Variants in MYO10 observed in about 807,000 individuals in gnomAD.
MYO10 encodes the protein myosin X.
In MYO10, 133 loss-of-function variants were observed where a neutral mutation model predicts 257.3. The ratio of observed to expected loss-of-function variants is 0.52; its 90% CI spans 0.45 to 0.60. MYO10 has a LOEUF of 0.60. MYO10 is among the 20% of genes least tolerant of loss of function. MYO10 has a pLI of 0.00. For missense variants in MYO10, 2,399 were observed against 2,635.7 expected, an observed-to-expected ratio of 0.91 and a Z score of 1.97; for synonymous variants, 1,104 against 1,028.6, an observed-to-expected ratio of 1.07 and a Z score of -1.40.
chr5:16,730,894 T>A (rs1182434650), intron 19 of MYO10, among the ~76,000 whole-genome samples: 2 of 152,078 alleles, frequency 1.3e-5, no homozygotes, highest in Non-Finnish European at 2.9e-5. Flanking sequence ...CTCTCAGTCC[T>A]TTGATGAATT....
At chr5:16,923,320 C>T (rs1304925862) in intron 1 of MYO10, among the ~76,000 whole-genome samples, 1 of 149,110 alleles carries the variant, frequency 6.7e-6, no homozygotes, top group Non-Finnish European at 1.5e-5. Context: ...CGGAATCTCG[C>T]TCCGTCGCCC....
intron 2 of MYO10, among the ~76,000 whole-genome samples, chr5:16,877,212 A>G (rs1394747070): frequency 1.3e-5 from 2 of 152,230 alleles, no homozygotes; most frequent in Non-Finnish European, 2.9e-5. Flanking sequence ...AGACACTACG[A>G]AAGTTTAAGA....
chr5:16,848,155 C>CTTTTTTTTTTTTTTTTTTTTTTTTTT (rs371042891), intron 2 of MYO10, among the ~76,000 whole-genome samples: 1 of 113,596 alleles, frequency 8.8e-6, no homozygotes, highest in African/African-American at 3.7e-5. Flanking sequence ...CTACACATTT[C>CTTTTTTTTTTTTTTTTTTTTTTTTTT]TTTTTTTTTT....
intron 3 of MYO10, among the ~76,000 whole-genome samples, chr5:16,800,218 T>C (rs1303435837): frequency 1.3e-5 from 2 of 152,048 alleles, no homozygotes; most frequent in Non-Finnish European, 2.9e-5. Context: ...CCTAGTGAGT[T>C]ACCATGAAAA....
chr5:16,764,146 CAAAAAAAAAAA>C (rs1740799894), intron 12 of MYO10, 93 bp downstream of exon 12: 3 of 979,466 alleles, frequency 3.1e-6, no homozygotes, highest in Non-Finnish European at 2.9e-6. Context: ...GACTCCTTCT[CAAAAAAAAAAA>C]GAAAAAAAAA....
intron 19 of MYO10, chr5:16,738,141 C>T (rs2126627919): frequency 2.0e-6 from 2 of 985,362 alleles, no homozygotes; most frequent in East Asian, 1.1e-4. Context: ...CTCACCTAGC[C>T]TGGAGCTGAA....
At chr5:16,822,922 C>T (rs976508543) in intron 2 of MYO10, among the ~76,000 whole-genome samples, 2 of 151,468 alleles carry the variant, frequency 1.3e-5, no homozygotes, top group Admixed American at 1.3e-4. Flanking sequence ...CTCCTGACCT[C>T]GTGATCCGCC....
At chr5:16,697,066 T>C (rs1173230512) in intron 26 of MYO10, among the ~76,000 whole-genome samples, 1 of 152,152 alleles carries the variant, frequency 6.6e-6, no homozygotes, top group Non-Finnish European at 1.5e-5. Context: ...TTTTCCTTTG[T>C]CAGGTGTTCC....
At chr5:16,865,078 CTG>C (rs1286441008) in intron 2 of MYO10, among the ~76,000 whole-genome samples, 1 of 152,134 alleles carries the variant, frequency 6.6e-6, no homozygotes, top group Non-Finnish European at 1.5e-5. Context: ...CAGCTCAATG[CTG>C]TCTTTTTCAT....
At chr5:16,873,177 G>T (rs1477806382) in intron 2 of MYO10, among the ~76,000 whole-genome samples, 1 of 152,152 alleles carries the variant, frequency 6.6e-6, no homozygotes, top group Non-Finnish European at 1.5e-5. Flanking sequence ...GAGGGTACAG[G>T]TATTGGGTAA....
At chr5:16,696,654 A>C (rs2126536566) in intron 26 of MYO10, among the ~76,000 whole-genome samples, 1 of 152,066 alleles carries the variant, frequency 6.6e-6, no homozygotes. Flanking sequence ...TCAAGAGTTC[A>C]AGACCAGCCT....
intron 33 of MYO10, among the ~76,000 whole-genome samples, chr5:16,677,433 T>TTTTTTTTTG (rs1363770924): frequency 1.4e-5 from 2 of 145,256 alleles, no homozygotes; most frequent in African/African-American, 5.4e-5. Flanking sequence ...TTTTTTTTTT[T>TTTTTTTTTG]GAGACGGAGT....
chr5:16,918,853 C>T (rs1052335724), intron 1 of MYO10, among the ~76,000 whole-genome samples: 3 of 152,092 alleles, frequency 2.0e-5, no homozygotes, highest in Admixed American at 2.0e-4. Context: ...CTTACTTACG[C>T]CAATCACTCG....
intron 3 of MYO10, among the ~76,000 whole-genome samples, chr5:16,801,665 T>C (rs938379102): frequency 4.6e-5 from 7 of 152,202 alleles, no homozygotes; most frequent in South Asian, 2.1e-4. Context: ...GTTTAGACCA[T>C]ATTTCGTACT....
At chr5:16,824,127 C>T (rs1249983886) in intron 2 of MYO10, among the ~76,000 whole-genome samples, 1 of 152,172 alleles carries the variant, frequency 6.6e-6, no homozygotes, top group African/African-American at 2.4e-5. Flanking sequence ...TCTTTTATTA[C>T]AAGTCATTAG....
chr5:16,894,761 T>C (rs1422208797), intron 1 of MYO10, among the ~76,000 whole-genome samples: 2 of 152,100 alleles, frequency 1.3e-5, no homozygotes, highest in Non-Finnish European at 2.9e-5. Context: ...AATGTGGGGA[T>C]ACACAGAGGA....
intron 35 of MYO10, 99 bp downstream of exon 35, chr5:16,674,754 T>C (rs2126476009): frequency 3.0e-6 from 4 of 1,347,044 alleles, no homozygotes; most frequent in Non-Finnish European, 4.1e-6. Flanking sequence ...CTACTAGAGG[T>C]GTCTTCTGTT....
chr5:16,818,446 T>G (rs1304124390), intron 2 of MYO10, among the ~76,000 whole-genome samples: 1 of 148,720 alleles, frequency 6.7e-6, no homozygotes, highest in Non-Finnish European at 1.5e-5. Flanking sequence ...TTGTTGTTGT[T>G]GTTGTTTTGA....
chr5:16,775,642 G>A (rs999635430), intron 9 of MYO10, among the ~76,000 whole-genome samples: 4 of 152,078 alleles, frequency 2.6e-5, no homozygotes, highest in South Asian at 2.1e-4. Flanking sequence ...TTGCTCTGTC[G>A]CCCAGGCTGG....
Sources: allele counts gnomAD v4.1 joint callset (sites outside exome capture counted in the v4.1 genomes callset), GRCh38; gene constraint gnomAD v4.1.1; transcripts MANE v1.5; gene names NCBI Gene and HGNC (gene_info 2026-07-23, HGNC 2026-07-21).